Variants in ASTN2 observed in about 807,000 individuals in gnomAD.
ASTN2 encodes astrotactin 2.
In ASTN2, 54 loss-of-function variants were observed where a neutral mutation model predicts 139.8. The observed-to-expected ratio is 0.39, with a 90% confidence interval of 0.31 to 0.48. The LOEUF is 0.48. Among genes scored for constraint, ASTN2 ranks in the 20% least tolerant of loss-of-function variants. The probability of loss-of-function intolerance (pLI) is 0.95; values close to 1 mark genes in which losing one functional copy is unlikely to be tolerated. For synonymous variants in ASTN2, 756 were observed against 719.5 expected, an observed-to-expected ratio of 1.05 and a Z score of -0.81; for missense variants, 1,565 against 1,725.1, an observed-to-expected ratio of 0.91 and a Z score of 1.64.
intron 10 of ASTN2, among the ~76,000 whole-genome samples, chr9:116,906,571 G>T (rs1390424409): frequency 6.6e-6 from 1 of 152,098 alleles, no homozygotes; most frequent in East Asian, 1.9e-4. Context: ...AATACTGTTG[G>T]TCTAGTCTAA....
intron 6 of ASTN2, among the ~76,000 whole-genome samples, chr9:117,021,646 T>C (rs1298457712): frequency 6.6e-6 from 1 of 152,184 alleles, no homozygotes; most frequent in Non-Finnish European, 1.5e-5. Flanking sequence ...GCGAGGCAGC[T>C]GGTATTCACG....
intron 16 of ASTN2, among the ~76,000 whole-genome samples, chr9:116,708,094 T>TA (rs1476252385): frequency 1.3e-5 from 2 of 151,934 alleles, no homozygotes; most frequent in Non-Finnish European, 2.9e-5. Context: ...CTCCGTTAGT[T>TA]AAAATAGTTA....
intron 6 of ASTN2, among the ~76,000 whole-genome samples, chr9:117,016,773 GTT>G (rs1444957218): frequency 3.0e-5 from 2 of 67,140 alleles, no homozygotes; most frequent in Admixed American, 2.0e-4. Flanking sequence ...TTATATATAG[GTT>G]TTATATATAT....
intron 10 of ASTN2, among the ~76,000 whole-genome samples, chr9:116,963,558 G>C (rs1835925862): frequency 6.6e-6 from 1 of 152,190 alleles, no homozygotes; most frequent in South Asian, 2.1e-4. Flanking sequence ...CACAGAGTGT[G>C]GTGGGGACTG....
chr9:117,194,189 G>C (rs1232617482), intron 3 of ASTN2, among the ~76,000 whole-genome samples: 1 of 152,102 alleles, frequency 6.6e-6, no homozygotes, highest in Non-Finnish European at 1.5e-5. Context: ...GCCTTGCCTG[G>C]CTCAGGTACC....
chr9:116,471,180 A>G (rs1001536758), intron 20 of ASTN2, among the ~76,000 whole-genome samples: 1 of 152,066 alleles, frequency 6.6e-6, no homozygotes, highest in Non-Finnish European at 1.5e-5. Context: ...ATTAAGAAAG[A>G]TCTATGTAAT....
chr9:116,585,040 G>A (rs1854091839), intron 19 of ASTN2: 2 of 152,206 alleles, frequency 1.3e-5, no homozygotes, highest in African/African-American at 4.8e-5. Context: ...CTTTGTGGAA[G>A]AAGCAACACT....
intron 4 of ASTN2, among the ~76,000 whole-genome samples, chr9:117,132,462 G>A (rs1238376901): frequency 1.3e-5 from 2 of 152,186 alleles, no homozygotes; most frequent in African/African-American, 4.8e-5. Flanking sequence ...GGCCCCACCA[G>A]GATCTGGTCG....
At position 117,096,061 on chromosome 9, in the gene ASTN2, C is replaced by T; in HGVS notation, c.1259G>A (p.Ser420Asn). The change falls in exon 5 of 23, where the codon AGT becomes AAT. Residue 420 changes from serine (S) to asparagine (N), a missense_variant. This residue lies in a region of ASTN2 where 596 missense variants were observed against 576.8 expected (regional missense o/e 1.03). Coordinates refer to ENST00000313400, the MANE Select transcript of ASTN2 (RefSeq NM_001365068.1). ...QLTFYTEQYR[S>N]RRRSKGLLKS... ...ACTATTACCTTTGCTGCGGCGGCGA[C>T]TGCGGTACTGCTCCGTGTAGAATGT... The T allele has an allele frequency of 6.2e-7, 1 of 1,614,082 alleles. No individual in the cohort carries two copies. The highest frequency in any genetic ancestry group is 8.5e-7 in the Non-Finnish European group (1 of 1,179,970).
chr9:116,979,911 G>A (rs1836459986), intron 7 of ASTN2, among the ~76,000 whole-genome samples: 1 of 152,112 alleles, frequency 6.6e-6, no homozygotes, highest in Non-Finnish European at 1.5e-5. Flanking sequence ...CAGAAAAAGG[G>A]TGCTGCTATG....
At position 117,214,455 on chromosome 9, in the gene ASTN2, G is replaced by A; in HGVS notation, c.918C>T (p.Asn306=). 3 of 1,614,176 alleles carry A rather than the reference G, an allele frequency of 1.9e-6. No individual in the cohort carries two copies. The highest frequency in any genetic ancestry group is 2.5e-6 in the Non-Finnish European group (3 of 1,180,024). The part of the protein sequence containing the change: ...EEDEEPPRRA[N]HVSREDEFGS... ...CAAACTCGTCCTCGCGGGAGACATGGTTGGCCCGCCTAGGTGGCTCCTCAT... is the reference window on the plus strand; with the variant it reads ...CAAACTCGTCCTCGCGGGAGACATGATTGGCCCGCCTAGGTGGCTCCTCAT... Residue 306 remains asparagine, a synonymous_variant, in exon 3 of 23, where the codon AAC becomes AAT. Coordinates refer to ENST00000313400, the MANE Select transcript of ASTN2 (RefSeq NM_001365068.1).
chr9:117,015,599 A>G (rs1837651840), intron 6 of ASTN2, among the ~76,000 whole-genome samples: 1 of 152,112 alleles, frequency 6.6e-6, no homozygotes, highest in African/African-American at 2.4e-5. Context: ...TCTGGTTCCA[A>G]ACACTTCCAA....
At chr9:116,434,135 T>A (rs1847577757) in intron 22 of ASTN2, among the ~76,000 whole-genome samples, 1 of 152,162 alleles carries the variant, frequency 6.6e-6, no homozygotes, top group African/African-American at 2.4e-5. Context: ...TAATTGAAGA[T>A]ACCTTCAATT....
intron 10 of ASTN2, among the ~76,000 whole-genome samples, chr9:116,880,883 C>A (rs922028351): frequency 1.3e-5 from 2 of 152,106 alleles, no homozygotes; most frequent in African/African-American, 4.8e-5. Context: ...CAAGCTGGGG[C>A]AGAGATAGCA....
chr9:116,945,489 CTG>C (rs927854556), intron 10 of ASTN2, among the ~76,000 whole-genome samples: 21 of 152,160 alleles, frequency 1.4e-4, no homozygotes, highest in African/African-American at 4.6e-4. Flanking sequence ...CAAGTCCAAA[CTG>C]AGGCTGAGAA....
At chr9:116,972,169 C>T (rs1284603283) in intron 10 of ASTN2, among the ~76,000 whole-genome samples, 1 of 151,790 alleles carries the variant, frequency 6.6e-6, no homozygotes, top group East Asian at 1.9e-4. Context: ...TCTATCCTTT[C>T]TTCTAACATC....
chr9:117,353,624 A>G (rs1829451957), intron 1 of ASTN2, among the ~76,000 whole-genome samples: 1 of 152,076 alleles, frequency 6.6e-6, no homozygotes, highest in South Asian at 2.1e-4. Flanking sequence ...TGTGGCCCCA[A>G]TGTTCCAACA....
chr9:117,385,579 A>G (rs1267197671), intron 1 of ASTN2, among the ~76,000 whole-genome samples: 1 of 152,106 alleles, frequency 6.6e-6, no homozygotes, highest in Non-Finnish European at 1.5e-5. Context: ...ATGCAGGAGT[A>G]GGAGGATAGG....
At chr9:116,933,194 T>TA (rs1834958011) in intron 10 of ASTN2, among the ~76,000 whole-genome samples, 1 of 152,042 alleles carries the variant, frequency 6.6e-6, no homozygotes, top group African/African-American at 2.4e-5. Context: ...AGGGATTTTT[T>TA]ACAGACATTC....
Sources: allele counts gnomAD v4.1 joint callset (sites outside exome capture counted in the v4.1 genomes callset), GRCh38; gene constraint gnomAD v4.1.1; regional missense constraint gnomAD v4.1.1; transcripts MANE v1.5; gene names NCBI Gene and HGNC (gene_info 2026-07-23, HGNC 2026-07-21).